Variants in COL5A1 observed in about 807,000 individuals in gnomAD.
COL5A1 encodes collagen type V alpha 1 chain, also known as collagen alpha-1(V) chain.
In COL5A1, 16 loss-of-function variants were observed where a neutral mutation model predicts 263.7. The observed-to-expected ratio is 0.06, with a 90% CI of 0.04 to 0.09. The LOEUF is 0.09. Ranked by LOEUF, COL5A1 falls within the 10% of genes least tolerant of loss-of-function variation. COL5A1 has a pLI of 1.00. For synonymous variants in COL5A1, 1,012 were observed against 1,004.5 expected (o/e 1.01, Z -0.14); for missense variants, 2,036 against 2,540.5 (o/e 0.80, Z 4.27).
intron 11 of COL5A1, among the ~76,000 whole-genome samples, chr9:134,747,669 A>T (rs1241247001): frequency 6.6e-6 from 1 of 151,664 alleles, no homozygotes; most frequent in East Asian, 1.9e-4. Flanking sequence ...ACATGCACAC[A>T]TGTATTCATA....
chr9:134,781,042 G>A lies in COL5A1; in HGVS notation c.2430+896G>A, dbSNP rs147928420. ...GCGGGGCTGGAGTGCGGGTGCTGGC[G>A]TGATGGTCCACGTGCCGAGACTCCT... On this transcript the variant is annotated intron_variant, in intron 28 of 65. Transcript: ENST00000371817. 5.0e-3 allele frequency among the ~76,000 whole-genome samples: 757 copies of A among 152,372 alleles called. 7 individuals are homozygous for A. The highest frequency in any genetic ancestry group is 0.014 in the Middle Eastern group (4 of 294).
At chr9:134,802,590 TCAGCCTCCCTCA>T (rs1383800220) in intron 38 of COL5A1, among the ~76,000 whole-genome samples, 2 of 152,228 alleles carry the variant, frequency 1.3e-5, no homozygotes, top group Non-Finnish European at 2.9e-5. Context: ...TGTGGCTGAA[TCAGCCTCCCTCA>T]GGGCACATCC....
At chr9:134,685,418 C>T (rs1833013531) in intron 1 of COL5A1, among the ~76,000 whole-genome samples, 1 of 9,346 alleles carries the variant, frequency 1.1e-4, no homozygotes, top group Non-Finnish European at 2.5e-4. Flanking sequence ...ATTAATTCAT[C>T]CATCCATCCA....
Position 134,755,670 on chromosome 9 carries a change from T to C in COL5A1, c.1828-1095T>C, listed in dbSNP as rs934926767. On this transcript the variant is annotated intron_variant, in intron 16 of 65. Transcript: ENST00000371817. The surrounding 1 kb of genome is among the most constrained non-coding windows in gnomAD (Gnocchi z 4.1). ...AAGTTTTCCGACAATCTTCCCTTGG[T>C]TTCTAAAAGTGTTTGGAAATCTAGA... 2.6e-5 allele frequency among the ~76,000 whole-genome samples: 4 copies of C among 152,242 alleles called. No homozygotes were observed. The highest frequency in any genetic ancestry group is 9.6e-5 in the African/African-American group (4 of 41,464).
intron 4 of COL5A1, among the ~76,000 whole-genome samples, chr9:134,717,216 C>T (rs529084532): frequency 7.9e-5 from 12 of 152,182 alleles, no homozygotes; most frequent in East Asian, 3.9e-4. Flanking sequence ...CGGTGGCGTC[C>T]GGCCAGGCTG....
At chr9:134,701,358 CT>C in intron 4 of COL5A1, 25 bp downstream of exon 4, 1 of 1,609,920 alleles carries the variant, frequency 6.2e-7, no homozygotes, top group South Asian at 1.1e-5. Context: ...AGACCAACCC[CT>C]GTGCCCACCA....
intron 1 of COL5A1, among the ~76,000 whole-genome samples, chr9:134,667,526 T>G (rs1360115044): frequency 1.3e-5 from 2 of 152,228 alleles, no homozygotes. Flanking sequence ...TGCTCACTTG[T>G]CACTCATAAC....
intron 29 of COL5A1, among the ~76,000 whole-genome samples, chr9:134,784,571 C>T (rs1254372452): frequency 1.3e-5 from 2 of 152,248 alleles, no homozygotes; most frequent in Non-Finnish European, 2.9e-5. Flanking sequence ...GGTCCACTTC[C>T]ATACCTCCTG....
At chr9:134,691,303 G>A (rs918604079) in intron 2 of COL5A1, among the ~76,000 whole-genome samples, 6 of 151,864 alleles carry the variant, frequency 4.0e-5, no homozygotes, top group Non-Finnish European at 8.8e-5. Flanking sequence ...TTCTCTGCTG[G>A]ATGTGGGTGG....
chr9:134,673,459 CAA>C (rs35466442), intron 1 of COL5A1, among the ~76,000 whole-genome samples: 5,748 of 102,984 alleles, frequency 0.056, 250 homozygotes, highest in African/African-American at 0.14. Flanking sequence ...GACTCCATCT[CAA>C]AAAAAAAAAA....
chr9:134,775,462 GC>G (rs1294570600), intron 27 of COL5A1, among the ~76,000 whole-genome samples: 1 of 152,238 alleles, frequency 6.6e-6, no homozygotes, highest in Admixed American at 6.5e-5. Flanking sequence ...TCGTGTTTCT[GC>G]CATGACGGGC....
chr9:134,701,537 C>T (rs1409699796), intron 4 of COL5A1, among the ~76,000 whole-genome samples: 16 of 152,244 alleles, frequency 1.1e-4, no homozygotes, highest in South Asian at 2.1e-4. Flanking sequence ...GCTGCTGCCG[C>T]CTGTAGGCCG....
chr9:134,738,080 C>T (rs958463023), intron 9 of COL5A1, among the ~76,000 whole-genome samples: 1 of 152,198 alleles, frequency 6.6e-6, no homozygotes, highest in Non-Finnish European at 1.5e-5. Flanking sequence ...CCCGAGTCCC[C>T]TTGTCCTGGC....
chr9:134,836,622 G>T (rs1044283917), intron 65 of COL5A1, among the ~76,000 whole-genome samples: 2 of 152,250 alleles, frequency 1.3e-5, no homozygotes, highest in African/African-American at 4.8e-5. Flanking sequence ...GGTGCCGACT[G>T]AGAGTGCAAG....
In COL5A1 at chr9:134,687,415, TCATCCATCCATCCATC is replaced by T. The variant is rs5901049; in HGVS notation, c.110-3468_110-3453del. ...AGGACACCTGCTATTCTCTGGGACT[TCATCCATCCATCCATC>T]CATCCATCCATCCATCCATCCATCC... On this transcript the variant is annotated intron_variant, in intron 1 of 65. Transcript: ENST00000371817. Among the ~76,000 whole-genome samples the T allele has an allele frequency of 3.7e-3, 543 of 147,828 alleles. 2 individuals carry two copies. Among genetic ancestry groups the T allele is most frequent in the African/African-American group, 0.011 (460 of 40,022 alleles).
rs532978033 is a variant in COL5A1, at chr9:134,723,793, A to G, written c.655-3473A>G. On this transcript the variant is annotated intron_variant, in intron 4 of 65. Coordinates refer to ENST00000371817, the MANE Select transcript of COL5A1 (RefSeq NM_000093.5). The stretch of plus-strand genomic sequence containing the variant: ...GTCCGTCTGCCTCTGACCCAGAGGC[A>G]GGTATGGATGTGGATGTGTGGCTGA... Among the ~76,000 whole-genome samples the G allele has an allele frequency of 1.0e-3, 155 of 152,036 alleles. 1 individual carries two copies. Among genetic ancestry groups the G allele is most frequent in the Non-Finnish European group, 2.0e-3 (135 of 67,938 alleles).
intron 30 of COL5A1, among the ~76,000 whole-genome samples, 200 bp from the exon 31 acceptor site, chr9:134,785,795 A>G (rs1282233125): frequency 1.3e-5 from 2 of 151,970 alleles, no homozygotes; most frequent in Non-Finnish European, 2.9e-5. Context: ...ACCATCGGGT[A>G]CCCCCTGGAT....
chr9:134,806,217 G>A lies in COL5A1; in HGVS notation c.3287G>A (p.Gly1096Glu). ...TCTCCAGGGGAGAGAGGTCCAGCTG[G>A]AGCCGCTGGGCCCATCGGAATTCCA... is the stretch of plus-strand genomic sequence containing the variant. ...AGSPGERGPA[G>E]AAGPIGIPGR... The change falls in exon 42 of 66, where the codon GGA (glycine) becomes GAA (glutamate). Residue 1096 changes from glycine (G) to glutamate (E), a missense_variant. Around this residue, in one of 3 missense-constraint regions of COL5A1, gnomAD observed 1,078 missense variants for 1,521.4 expected, o/e 0.71. Coordinates refer to ENST00000371817, the MANE Select transcript of COL5A1 (RefSeq NM_000093.5). 2.6e-6 allele frequency: 4 copies of A among 1,550,708 alleles called. No homozygotes were observed. The highest frequency in any genetic ancestry group is 3.5e-6 in the Non-Finnish European group (4 of 1,146,900).
At position 134,731,615 on chromosome 9, in the gene COL5A1, G is replaced by A. The variant is rs745575705; in HGVS notation, c.1284G>A (p.Ser428=). Residue 428 remains serine, a synonymous_variant, in exon 8 of 66, where the codon TCG becomes TCA. Transcript: ENST00000371817. ...DPYYDPTSSP[S]EIGPGMPANQ... ...ACTACGACCCCACCAGCTCCCCGTC[G>A]GAGATCGGGCCGGGAATGCCGGCGA... 24 of 1,614,162 alleles carry A rather than the reference G, an allele frequency of 1.5e-5. No individual in the cohort carries two copies. The highest frequency in any genetic ancestry group is 2.2e-5 in the South Asian group (2 of 91,088).
Sources: allele counts gnomAD v4.1 joint callset (sites outside exome capture counted in the v4.1 genomes callset), GRCh38; gene constraint gnomAD v4.1.1; regional missense constraint gnomAD v4.1.1; non-coding constraint Gnocchi (gnomAD v3.1); transcripts MANE v1.5; gene names NCBI Gene and HGNC (gene_info 2026-07-23, HGNC 2026-07-21).